Variants in NXN observed in about 807,000 individuals in gnomAD.
NXN encodes the protein nucleoredoxin, also known as nucleoredoxin 1.
NXN carries 16 observed loss-of-function variants against 48.6 expected under a neutral mutation model. The ratio of observed to expected loss-of-function variants is 0.33; its 90% CI spans 0.22 to 0.50. The LOEUF (loss-of-function observed/expected upper bound fraction) is 0.50, where lower values mean the gene tolerates loss of function less well. NXN is among the 20% of genes least tolerant of loss of function. The pLI, the probability that NXN is intolerant of heterozygous loss-of-function variation, is 0.98. For synonymous variants in NXN, 281 were observed against 269.6 expected (o/e 1.04, Z -0.41); for missense variants, 492 against 605.5 (o/e 0.81, Z 1.97).
intron 1 of NXN, chr17:959,364 C>A (rs1597277998): frequency 4.3e-6 from 1 of 232,702 alleles, no homozygotes. Context: ...TGGAGTCGCG[C>A]AGAGGCTGCC....
intron 1 of NXN, among the ~76,000 whole-genome samples, chr17:974,261 G>C (rs527886553): frequency 2.2e-4 from 33 of 151,988 alleles, no homozygotes; most frequent in African/African-American, 8.0e-4. Context: ...TGAGGCAGGA[G>C]CATGGCGTGA....
At chr17:805,022 CCGCCCCCCAGCCACCCCT>C in intron 6 of NXN, 28 bp downstream of exon 6, 1 of 1,520,232 alleles carries the variant, frequency 6.6e-7, no homozygotes, top group Non-Finnish European at 8.9e-7. Context: ...CCCTCCTGTC[CCGCCCCCCAGCCACCCCT>C]CGCCCCCTGC....
chr17:926,840 C>T (rs1484679387), intron 1 of NXN, among the ~76,000 whole-genome samples: 6 of 152,126 alleles, frequency 3.9e-5, no homozygotes, highest in Middle Eastern at 3.2e-3. Context: ...ACGTGTCTGG[C>T]CATCCCACAC....
intron 1 of NXN, among the ~76,000 whole-genome samples, chr17:929,441 C>T (rs866103867): frequency 1.6e-4 from 25 of 152,356 alleles, no homozygotes; most frequent in South Asian, 1.0e-3. Flanking sequence ...GATCCAACAT[C>T]TGATCTCACA....
chr17:902,667 C>T (rs2068547961), intron 1 of NXN, among the ~76,000 whole-genome samples: 1 of 152,064 alleles, frequency 6.6e-6, no homozygotes, highest in African/African-American at 2.4e-5. Context: ...GAACAAGCAC[C>T]ACGACAGCCC....
intron 1 of NXN, among the ~76,000 whole-genome samples, chr17:976,870 G>A (rs1486046644): frequency 1.3e-5 from 2 of 151,600 alleles, no homozygotes; most frequent in Non-Finnish European, 2.9e-5. Flanking sequence ...AGGTTCAAGC[G>A]ATTCTCCTGC....
At chr17:934,924 T>G (rs1347043335) in intron 1 of NXN, among the ~76,000 whole-genome samples, 1 of 152,140 alleles carries the variant, frequency 6.6e-6, no homozygotes, top group African/African-American at 2.4e-5. Context: ...GCGGACTGTC[T>G]GGACAGAGTC....
At chr17:904,504 C>T (rs989450725) in intron 1 of NXN, among the ~76,000 whole-genome samples, 3 of 152,152 alleles carry the variant, frequency 2.0e-5, no homozygotes, top group African/African-American at 4.8e-5. Context: ...AACACATTCC[C>T]ATCAGTAACA....
At position 873,493 on chromosome 17, in the gene NXN, C is replaced by CAAAAAAAAA. The variant is rs71145783; in HGVS notation, c.361-47424_361-47416dup. Among the ~76,000 whole-genome samples the CAAAAAAAAA allele has an allele frequency of 2.1e-4, 16 of 74,994 alleles. 1 individual carries two copies. The highest frequency in any genetic ancestry group is 3.3e-4 in the Admixed American group (2 of 6,020). The allele number at this position is 74,994 out of a possible 152,430, so 49.2% of individuals were successfully genotyped here. ...ACCTGGGAGACAGAGACACTGTCTC[C>CAAAAAAAAA]AAAAAAAAAAAAAAAAAGGAGTCTC... On this transcript the variant is annotated intron_variant, in intron 1 of 7. Coordinates refer to ENST00000336868, the MANE Select transcript of NXN (RefSeq NM_022463.5).
intron 1 of NXN, among the ~76,000 whole-genome samples, chr17:862,101 G>T (rs577349933): frequency 6.6e-6 from 1 of 152,232 alleles, no homozygotes; most frequent in Non-Finnish European, 1.5e-5. Context: ...AAAGTGCTGG[G>T]ATTACAGGCG....
chr17:831,006 A>AG (rs1913429719), intron 1 of NXN, among the ~76,000 whole-genome samples: 1 of 151,798 alleles, frequency 6.6e-6, no homozygotes, highest in African/African-American at 2.4e-5. Context: ...GTCTCAAAAA[A>AG]AAAAAAAAAA....
intron 1 of NXN, chr17:863,888 C>G (rs1280787812): frequency 2.3e-6 from 3 of 1,310,026 alleles, no homozygotes; most frequent in East Asian, 2.5e-5. Context: ...ACTGCTTACA[C>G]AGAGCTCTGT....
At chr17:902,612 C>A (rs2068547443) in intron 1 of NXN, among the ~76,000 whole-genome samples, 1 of 152,058 alleles carries the variant, frequency 6.6e-6, no homozygotes, top group Non-Finnish European at 1.5e-5. Flanking sequence ...TCCCTCCAAA[C>A]CTGTTTACGA....
At chr17:879,679 C>G (rs1284687479) in intron 1 of NXN, among the ~76,000 whole-genome samples, 1 of 152,294 alleles carries the variant, frequency 6.6e-6, no homozygotes, top group East Asian at 1.9e-4. Flanking sequence ...GCGTCCAACA[C>G]AAAGGCCTCT....
At chr17:806,818 A>G (rs1205757506) in intron 5 of NXN, among the ~76,000 whole-genome samples, 1 of 152,148 alleles carries the variant, frequency 6.6e-6, no homozygotes, top group African/African-American at 2.4e-5. Context: ...CAACGAATCC[A>G]TTATGTTCAC....
chr17:809,836 C>T (rs1050744250), intron 5 of NXN, among the ~76,000 whole-genome samples: 2 of 152,072 alleles, frequency 1.3e-5, no homozygotes, highest in African/African-American at 4.8e-5. Flanking sequence ...GGGCACCTTA[C>T]GAGCCAGTGC....
chr17:907,426 G>A (rs1597231216), intron 1 of NXN, among the ~76,000 whole-genome samples: 2 of 150,716 alleles, frequency 1.3e-5, no homozygotes, highest in Non-Finnish European at 2.9e-5. Flanking sequence ...TGCAAGCTCC[G>A]CCTCCCGAGT....
chr17:973,499 A>T (rs1373491706), intron 1 of NXN, among the ~76,000 whole-genome samples: 1 of 152,176 alleles, frequency 6.6e-6, no homozygotes, highest in Non-Finnish European at 1.5e-5. Context: ...GTAACTTAAT[A>T]GTAACTTAAA....
intron 1 of NXN, among the ~76,000 whole-genome samples, chr17:934,797 C>T (rs2068891364): frequency 1.3e-5 from 2 of 151,976 alleles, no homozygotes; most frequent in Admixed American, 6.6e-5. Context: ...TCGCTTGAAC[C>T]CGGGAGGCGG....
Sources: allele counts gnomAD v4.1 joint callset (sites outside exome capture counted in the v4.1 genomes callset), GRCh38; gene constraint gnomAD v4.1.1; transcripts MANE v1.5; gene names NCBI Gene and HGNC (gene_info 2026-07-23, HGNC 2026-07-21).